SNX10: variants seen among roughly 807,000 people sequenced by gnomAD.
SNX10 encodes sorting nexin-10.
SNX10 carries 25 observed loss-of-function variants against 28.5 expected under a neutral mutation model. That is an observed-to-expected ratio of 0.88 (90% CI 0.64 to 1.22). SNX10 has a LOEUF of 1.22. Among genes scored for constraint, SNX10 ranks in the 50% most tolerant of loss-of-function variants. The probability of loss-of-function intolerance (pLI) is 0.00; values close to 1 mark genes in which losing one functional copy is unlikely to be tolerated. For missense variants in SNX10, 223 were observed against 242.6 expected (o/e 0.92, Z 0.54); for synonymous variants, 62 against 81.4 (o/e 0.76, Z 1.28).
At chr7:26,339,336 C>T (rs982277102) in intron 1 of SNX10, among the ~76,000 whole-genome samples, 1 of 152,142 alleles carries the variant, frequency 6.6e-6, no homozygotes, top group African/African-American at 2.4e-5. Flanking sequence ...TCAAGTGATC[C>T]TCCCACCTCA....
At chr7:26,339,827 G>C (rs187925711) in intron 1 of SNX10, among the ~76,000 whole-genome samples, 439 of 150,488 alleles carry the variant, frequency 2.9e-3, no homozygotes, top group Middle Eastern at 6.9e-3. Context: ...GATTACAGGC[G>C]TGAGTCACCC....
At position 26,347,397 on chromosome 7, in the gene SNX10, G is replaced by A. The variant is rs115921370; in HGVS notation, c.24+931G>A. On this transcript the variant is annotated intron_variant, in intron 2 of 6. Coordinates refer to ENST00000338523, the MANE Select transcript of SNX10 (RefSeq NM_013322.3). ...TTAACTTTTAAAAATTGGGCTAGAC[G>A]GGCATGGTGGCCTGTGCCTGTGGTC... Among the ~76,000 whole-genome samples, 308 of 152,266 alleles carry A rather than the reference G, an allele frequency of 2.0e-3. 1 individual carries two copies. The highest frequency in any genetic ancestry group is 6.9e-3 in the African/African-American group (288 of 41,550).
At chr7:26,304,197 C>G (rs1786488239) in intron 1 of SNX10, among the ~76,000 whole-genome samples, 1 of 152,190 alleles carries the variant, frequency 6.6e-6, no homozygotes, top group Admixed American at 6.5e-5. Context: ...AGCACCGTCT[C>G]CTCCAGCCTT....
At chr7:26,353,458 T>G (rs76950225) in intron 2 of SNX10, among the ~76,000 whole-genome samples, 84 of 59,428 alleles carry the variant, frequency 1.4e-3, no homozygotes, top group Middle Eastern at 0.018. Flanking sequence ...TTTTTTTTTT[T>G]TTGGTGGGGA....
intron 1 of SNX10, among the ~76,000 whole-genome samples, chr7:26,333,506 A>G (rs1787818293): frequency 1.3e-5 from 2 of 150,600 alleles, no homozygotes; most frequent in Admixed American, 6.6e-5. Context: ...TTGTATTTTT[A>G]GTAGAGATGG....
chr7:26,362,788 T>C (rs959859935), intron 3 of SNX10, among the ~76,000 whole-genome samples: 1 of 152,200 alleles, frequency 6.6e-6, no homozygotes, highest in African/African-American at 2.4e-5. Context: ...CTCTGGGATC[T>C]TAACATTTAC....
chr7:26,296,832 A>AC (rs1216074068), intron 1 of SNX10, among the ~76,000 whole-genome samples: 1 of 151,998 alleles, frequency 6.6e-6, no homozygotes, highest in Non-Finnish European at 1.5e-5. Context: ...GGCAACATAG[A>AC]CCCCATGTCT....
intron 2 of SNX10, among the ~76,000 whole-genome samples, chr7:26,347,766 C>A (rs1187738763): frequency 1.3e-5 from 2 of 152,150 alleles, no homozygotes; most frequent in African/African-American, 4.8e-5. Flanking sequence ...ACAAGAATCT[C>A]TTGAACCTGG....
intron 1 of SNX10, among the ~76,000 whole-genome samples, chr7:26,296,373 G>C (rs1786111170): frequency 6.6e-6 from 1 of 152,038 alleles, no homozygotes; most frequent in Non-Finnish European, 1.5e-5. Flanking sequence ...GGCAAAAGCT[G>C]GGTGTGGCGG....
chr7:26,325,012 T>A (rs911441007), intron 1 of SNX10, among the ~76,000 whole-genome samples: 1 of 152,086 alleles, frequency 6.6e-6, no homozygotes, highest in Non-Finnish European at 1.5e-5. Flanking sequence ...TCTCAGAGGA[T>A]GGGTGGTCTC....
chr7:26,315,168 T>C (rs1050296097), intron 1 of SNX10, among the ~76,000 whole-genome samples: 1 of 152,190 alleles, frequency 6.6e-6, no homozygotes, highest in Non-Finnish European at 1.5e-5. Flanking sequence ...AATGAATTTG[T>C]ATGTTTGGGT....
Position 26,372,558 on chromosome 7 carries a change from C to T in SNX10, c.592C>T (p.Pro198Ser), listed in dbSNP as rs749305646. The T allele has an allele frequency of 6.3e-7, 1 of 1,592,062 alleles. No homozygotes were observed. Among genetic ancestry groups the T allele is most frequent in the Non-Finnish European group, 8.6e-7 (1 of 1,160,042 alleles). ...SSHGCKVNTAPQES is the reference protein window; with the variant it reads ...SSHGCKVNTASQES ...ACATGGATGTAAAGTAAATACAGCT[C>T]CGCAGGAATCCTGAAAAATAATTCT... The change falls in exon 7 of 7, where the codon CCG becomes TCG. Residue 198 changes from proline (P) to serine (S), a missense_variant. Coordinates refer to ENST00000338523, the MANE Select transcript of SNX10 (RefSeq NM_013322.3).
At chr7:26,352,228 A>G (rs1416986387) in intron 2 of SNX10, among the ~76,000 whole-genome samples, 1 of 152,220 alleles carries the variant, frequency 6.6e-6, no homozygotes, top group Non-Finnish European at 1.5e-5. Context: ...AATAAACAAA[A>G]TAGTATTTAT....
chr7:26,348,250 A>G (rs1470691543), intron 2 of SNX10, among the ~76,000 whole-genome samples: 1 of 152,132 alleles, frequency 6.6e-6, no homozygotes, highest in Non-Finnish European at 1.5e-5. Context: ...ATCTCATTTT[A>G]AGTAATCCTG....
chr7:26,370,739 G>A lies in SNX10; in HGVS notation c.312-1082G>A, dbSNP rs1245320034. On this transcript the variant is annotated intron_variant, in intron 5 of 6. Coordinates refer to ENST00000338523, the MANE Select transcript of SNX10 (RefSeq NM_013322.3). ...CAGAATATAAGGTAAGGTTCATTTGGTCTGAAATACATGATCTATTTTTCA... is the reference window on the plus strand; with the variant it reads ...CAGAATATAAGGTAAGGTTCATTTGATCTGAAATACATGATCTATTTTTCA... 2.0e-5 allele frequency: 3 copies of A among 152,092 alleles called. No individual in the cohort carries two copies. The East Asian group carries it at 5.8e-4, about 29-fold the overall frequency. The allele number at this position is 152,092 out of a possible 1,614,324, so 9.4% of individuals were successfully genotyped here. A position where few individuals can be genotyped will look rare whatever the true frequency, so the allele number is the denominator to read the frequency against.
In SNX10 at chr7:26,292,039, A is replaced by AGCCCGGCTCG. The variant is rs1554347743; in HGVS notation, c.-63_-54dup. ...GAGTCAGCAAACTCCGCGGCCCGCA[A>AGCCCGGCTCG]GCCCGGCTCGGCCCGGCCCTGCTCT... On this transcript the variant is annotated 5_prime_UTR_variant, in exon 1 of 7. Transcript: ENST00000338523. 1.3e-5 allele frequency: 2 copies of AGCCCGGCTCG among 151,518 alleles called. No individual in the cohort carries two copies. The highest frequency in any genetic ancestry group is 4.8e-5 in the African/African-American group (2 of 41,274). 9.4% of individuals were successfully genotyped at this position (151,518 alleles called of 1,614,324 possible).
rs199833883 is a variant in SNX10, at chr7:26,361,054, G to A, written c.104G>A (p.Cys35Tyr). The change falls in exon 3 of 7, where the codon TGT (cysteine) becomes TAT (tyrosine). Residue 35 changes from cysteine (C) to tyrosine (Y), a missense_variant. Coordinates refer to ENST00000338523, the MANE Select transcript of SNX10 (RefSeq NM_013322.3). ...CATTCTTACATTGACTATGAGATATGTATTCATGTAAGTATGTAGTCAGTA... is the reference window on the plus strand; with the variant it reads ...CATTCTTACATTGACTATGAGATATATATTCATGTAAGTATGTAGTCAGTA... ...FWHSYIDYEI[C>Y]IHTNSMCFTM... is the part of the protein sequence containing the mutation. 2 of 1,597,002 alleles carry A rather than the reference G, an allele frequency of 1.3e-6. No individual in the cohort carries two copies. Among genetic ancestry groups the A allele is most frequent in the African/African-American group, 1.3e-5 (1 of 74,612 alleles).
At chr7:26,304,914 TGGCCCAGGTAAATCCAAAGCCC>T (rs1306230793) in intron 1 of SNX10, among the ~76,000 whole-genome samples, 2 of 152,184 alleles carry the variant, frequency 1.3e-5, no homozygotes, top group African/African-American at 2.4e-5. Flanking sequence ...CACAGGTCCA[TGGCCCAGGTAAATCCAAAGCCC>T]GGCCCAGGGA....
chr7:26,341,110 C>A (rs1304093036), intron 1 of SNX10, among the ~76,000 whole-genome samples: 1 of 152,008 alleles, frequency 6.6e-6, no homozygotes, highest in Non-Finnish European at 1.5e-5. Flanking sequence ...CCAGCCTGGG[C>A]AACATAGGGA....
Sources: gnomAD v4.1 joint callset for allele counts (sites outside exome capture counted in the v4.1 genomes callset) on GRCh38, gnomAD v4.1.1 for gene constraint, MANE v1.5 for transcripts, NCBI Gene and HGNC (gene_info 2026-07-23, HGNC 2026-07-21) for gene names.